The following FCHO2 variants were observed in gnomAD, a reference collection of about 807,000 sequenced individuals.
FCHO2 encodes FCH and mu domain containing endocytic adaptor 2, also known as F-BAR domain only protein 2.
In FCHO2, 43 loss-of-function variants were observed where a neutral mutation model predicts 114.1. That is an observed-to-expected ratio of 0.38 (90% CI 0.30 to 0.49). FCHO2 has a LOEUF of 0.49. Ranked by LOEUF, FCHO2 falls within the 20% of genes least tolerant of loss-of-function variation. The pLI is 0.97. For synonymous variants in FCHO2, 293 were observed against 315.2 expected (o/e 0.93, Z 0.75); for missense variants, 807 against 950.4 (o/e 0.85, Z 1.98).
chr5:73,065,027 A>T (rs748673313), intron 18 of FCHO2, among the ~76,000 whole-genome samples: 21 of 151,938 alleles, frequency 1.4e-4, no homozygotes, highest in Admixed American at 2.6e-4. Flanking sequence ...TATCCTCAGT[A>T]CTTTGCATGA....
intron 8 of FCHO2, among the ~76,000 whole-genome samples, chr5:73,025,471 C>T (rs538230316): frequency 6.6e-6 from 1 of 151,768 alleles, no homozygotes; most frequent in African/African-American, 2.4e-5. Flanking sequence ...CTCCGCCTGC[C>T]GGGTTCAAGC....
At chr5:72,962,916 G>A (rs1751952841) in intron 1 of FCHO2, among the ~76,000 whole-genome samples, 1 of 151,916 alleles carries the variant, frequency 6.6e-6, no homozygotes, top group African/African-American at 2.4e-5. Context: ...ATTAGAATTG[G>A]AAGAATTTTA....
intron 15 of FCHO2, among the ~76,000 whole-genome samples, chr5:73,054,845 T>C (rs951320133): frequency 1.3e-5 from 2 of 152,192 alleles, no homozygotes; most frequent in African/African-American, 4.8e-5. Context: ...TTCTCTGTCT[T>C]ATTAACCAGA....
chr5:72,997,271 G>A (rs1754170421), intron 5 of FCHO2: 5 of 1,302,866 alleles, frequency 3.8e-6, no homozygotes, highest in Admixed American at 1.7e-5. Flanking sequence ...TTTGGAAGTC[G>A]TGAGCGAGTG....
chr5:73,061,056 G>C (rs1216208694), intron 17 of FCHO2, among the ~76,000 whole-genome samples: 3 of 151,062 alleles, frequency 2.0e-5, no homozygotes, highest in African/African-American at 7.3e-5. Context: ...ATATTGGGCT[G>C]TTTTTAAATA....
chr5:73,039,643 G>A (rs1756705862), intron 10 of FCHO2, among the ~76,000 whole-genome samples: 1 of 151,962 alleles, frequency 6.6e-6, no homozygotes, highest in South Asian at 2.1e-4. Flanking sequence ...AAGTCACCTG[G>A]GGGGCCAGGC....
At chr5:73,021,553 T>C (rs1012139301) in intron 8 of FCHO2, among the ~76,000 whole-genome samples, 3 of 152,168 alleles carry the variant, frequency 2.0e-5, no homozygotes, top group Non-Finnish European at 4.4e-5. Context: ...TTTACCACAT[T>C]CATTCATCAT....
intron 20 of FCHO2, 81 bp from the exon 21 acceptor site, chr5:73,077,257 C>T (rs1188936421): frequency 7.6e-6 from 10 of 1,317,770 alleles, no homozygotes; most frequent in Non-Finnish European, 9.3e-6. Context: ...CGCACGTGCA[C>T]GCGTGTGCCT....
At chr5:73,030,784 T>C (rs188263793) in intron 8 of FCHO2, among the ~76,000 whole-genome samples, 3 of 152,252 alleles carry the variant, frequency 2.0e-5, no homozygotes, top group Admixed American at 1.3e-4. Context: ...ATACATAATA[T>C]AGTTTAGAAG....
intron 6 of FCHO2, among the ~76,000 whole-genome samples, chr5:73,013,935 C>T (rs1013839559): frequency 2.6e-5 from 4 of 151,302 alleles, no homozygotes; most frequent in East Asian, 1.9e-4. Flanking sequence ...CAGCTGGCCT[C>T]GGCCTCCCAA....
intron 19 of FCHO2, among the ~76,000 whole-genome samples, chr5:73,069,265 C>A (rs1325522065): frequency 6.6e-6 from 1 of 152,044 alleles, no homozygotes; most frequent in African/African-American, 2.4e-5. Flanking sequence ...TTGTGGAAGA[C>A]AATTTTTCCA....
At chr5:73,062,787 T>G (rs559110434) in intron 17 of FCHO2, among the ~76,000 whole-genome samples, 1 of 152,188 alleles carries the variant, frequency 6.6e-6, no homozygotes, top group South Asian at 2.1e-4. Flanking sequence ...TCTATGCACC[T>G]TCCTTTCATG....
intron 2 of FCHO2, among the ~76,000 whole-genome samples, chr5:72,977,734 G>T (rs1752965414): frequency 6.6e-6 from 1 of 152,180 alleles, no homozygotes; most frequent in Admixed American, 6.5e-5. Context: ...TTTTCTTCTA[G>T]GGTTTTTATG....
At chr5:73,034,774 G>T (rs1341209635) in intron 9 of FCHO2, 73 bp downstream of exon 9, 2 of 1,236,728 alleles carry the variant, frequency 1.6e-6, no homozygotes, top group Non-Finnish European at 2.2e-6. Context: ...GAACAAATAA[G>T]GAGGGACTGC....
intron 2 of FCHO2, among the ~76,000 whole-genome samples, chr5:72,975,855 A>G (rs566546419): frequency 1.2e-4 from 18 of 152,114 alleles, no homozygotes; most frequent in African/African-American, 1.7e-4. Context: ...TGGATGTACT[A>G]CATTTTATCC....
intron 6 of FCHO2, among the ~76,000 whole-genome samples, chr5:73,011,891 C>T (rs147231275): frequency 6.6e-6 from 1 of 150,790 alleles, no homozygotes; most frequent in African/African-American, 2.4e-5. Context: ...GCCTGGGCAA[C>T]AGAGCGAGAC....
intron 2 of FCHO2, among the ~76,000 whole-genome samples, chr5:72,987,043 T>A (rs969149506): frequency 1.3e-5 from 2 of 151,762 alleles, no homozygotes; most frequent in Non-Finnish European, 2.9e-5. Flanking sequence ...GCCCAGCTAA[T>A]TTTTTTGTAT....
At chr5:73,047,303 C>T (rs1219919780) in intron 11 of FCHO2, among the ~76,000 whole-genome samples, 1 of 152,150 alleles carries the variant, frequency 6.6e-6, no homozygotes, top group Non-Finnish European at 1.5e-5. Context: ...CACAAAAACA[C>T]ATTCAGAGAA....
chr5:72,994,518 A>G (rs1753974448), intron 5 of FCHO2, among the ~76,000 whole-genome samples: 1 of 152,222 alleles, frequency 6.6e-6, no homozygotes. Flanking sequence ...GGGAATGCTT[A>G]TACACTGTTG....
Sources: gnomAD v4.1 joint callset for allele counts (sites outside exome capture counted in the v4.1 genomes callset) on GRCh38, gnomAD v4.1.1 for gene constraint, MANE v1.5 for transcripts, NCBI Gene and HGNC (gene_info 2026-07-23, HGNC 2026-07-21) for gene names.